Variants in KDM4A observed in about 807,000 individuals in gnomAD.
KDM4A encodes lysine-specific demethylase 4A.
In KDM4A, 23 loss-of-function variants were observed where a neutral mutation model predicts 127.1. That is an observed-to-expected ratio of 0.18 (90% CI 0.13 to 0.26). The LOEUF (loss-of-function observed/expected upper bound fraction) is 0.26. KDM4A is among the 10% of genes least tolerant of loss of function. KDM4A has a pLI of 1.00. For missense variants in KDM4A, 890 were observed against 1,329.1 expected (o/e 0.67, Z 5.14); for synonymous variants, 443 against 466.5 (o/e 0.95, Z 0.65).
Position 43,671,912 on chromosome 1 carries a change from G to A in KDM4A, c.1734+37G>A, listed in dbSNP as rs201742445. 105 of 1,510,130 alleles carry A rather than the reference G, an allele frequency of 7.0e-5. No individual in the cohort carries two copies. In the African/African-American group the frequency reaches 1.3e-3, roughly 19 times the overall value. The allele number at this position is 1,510,130 out of a possible 1,614,324, so 93.5% of individuals were successfully genotyped here. A position where few individuals can be genotyped will look rare whatever the true frequency, so the allele number is the denominator to read the frequency against. On this transcript the variant is annotated intron_variant, in intron 11 of 21. Transcript: ENST00000372396. ...AGGCAGTGGTGTGGGGTGGGGAGCT[G>A]CCCTGGAGGACACCCTGTCGGGAGG...
At chr1:43,671,365 G>A (rs1660613717) in intron 10 of KDM4A, 140 bp from the exon 11 acceptor site, 1 of 826,984 alleles carries the variant, frequency 1.2e-6, no homozygotes. Context: ...CTGGCTCACA[G>A]TGCCCCTCAG....
At chr1:43,668,060 G>C (rs1203540363) in intron 9 of KDM4A, 41 bp downstream of exon 9, 1 of 1,610,602 alleles carries the variant, frequency 6.2e-7, no homozygotes. Context: ...GTGAGGGAGG[G>C]ATGTCTGGGT....
At chr1:43,697,569 G>C (rs1020976469) in intron 18 of KDM4A, among the ~76,000 whole-genome samples, 4 of 152,160 alleles carry the variant, frequency 2.6e-5, no homozygotes, top group Admixed American at 2.0e-4. Flanking sequence ...TTCTGGGTAA[G>C]ATAATATGGT....
intron 3 of KDM4A, among the ~76,000 whole-genome samples, chr1:43,656,645 G>A (rs997592381): frequency 4.0e-5 from 6 of 151,434 alleles, no homozygotes; most frequent in African/African-American, 1.5e-4. Flanking sequence ...GCCCTTCTCC[G>A]CTGTTTTTAA....
intron 20 of KDM4A, 41 bp downstream of exon 20, chr1:43,703,777 G>C (rs752666562): frequency 1.2e-6 from 2 of 1,611,136 alleles, no homozygotes; most frequent in Non-Finnish European, 1.7e-6. Flanking sequence ...GGGGGTGCTT[G>C]ATTAATTCTG....
chr1:43,685,712 G>A (rs1005477536), intron 12 of KDM4A, among the ~76,000 whole-genome samples: 1 of 152,136 alleles, frequency 6.6e-6, no homozygotes, highest in African/African-American at 2.4e-5. Context: ...AATTTGCAGT[G>A]AGCTGAGACC....
At chr1:43,657,470 G>T (rs1319933497) in intron 3 of KDM4A, among the ~76,000 whole-genome samples, 1 of 152,110 alleles carries the variant, frequency 6.6e-6, no homozygotes, top group Non-Finnish European at 1.5e-5. Context: ...CAAAGGGCTG[G>T]GATTACAGGT....
chr1:43,653,293 C>A lies in KDM4A; in HGVS notation c.118C>A (p.His40Asn). 6.2e-7 allele frequency: 1 copy of A among 1,612,740 alleles called. No homozygotes were observed. The highest frequency in any genetic ancestry group is 8.5e-7 in the Non-Finnish European group (1 of 1,179,266). ...TGCCTACATTGAATCCCAAGGAGCT[C>A]ATCGGGCAGGGCTAGCCAAGGTAAG... Reference protein sequence around the residue: ...YIAYIESQGAHRAGLAKVVPP... With the variant: ...YIAYIESQGANRAGLAKVVPP... Residue 40 changes from histidine to asparagine, a missense_variant, in exon 2 of 22, where the codon CAT becomes AAT. Physicochemically the swap from His to Asn is moderately conservative, Grantham distance 68 (BLOSUM62 1). Coordinates refer to ENST00000372396, the MANE Select transcript of KDM4A (RefSeq NM_014663.3).
At chr1:43,700,887 G>A (rs59754251) in intron 19 of KDM4A, among the ~76,000 whole-genome samples, 3 of 151,854 alleles carry the variant, frequency 2.0e-5, no homozygotes, top group South Asian at 2.1e-4. Flanking sequence ...CTGGCCTATC[G>A]ACAGCCTCCA....
At position 43,683,621 on chromosome 1, in the gene KDM4A, G is replaced by A. The variant is rs918475697; in HGVS notation, c.1735-63G>A. ...CTCTTTCCTTTGGTTTTCATTGTAA[G>A]GGTGACTTGTGCTGTGTCTCAAGTG... On this transcript the variant is annotated intron_variant, in intron 11 of 21. Transcript: ENST00000372396. The A allele has an allele frequency of 1.1e-4, 166 of 1,554,812 alleles. 2 individuals carry two copies. In the Admixed American group the frequency reaches 3.1e-3, roughly 29 times the overall value.
chr1:43,659,944 T>C (rs1660333402), intron 3 of KDM4A, among the ~76,000 whole-genome samples: 1 of 152,168 alleles, frequency 6.6e-6, no homozygotes, highest in Non-Finnish European at 1.5e-5. Context: ...TCTGTGGATA[T>C]GTAGGGACCT....
intron 2 of KDM4A, among the ~76,000 whole-genome samples, chr1:43,654,365 T>C: frequency 1.3e-5 from 2 of 152,346 alleles, no homozygotes; most frequent in East Asian, 3.9e-4. Flanking sequence ...CATACAAACA[T>C]ACACACATAT....
intron 2 of KDM4A, among the ~76,000 whole-genome samples, chr1:43,655,032 G>T (rs925197732): frequency 8.5e-5 from 13 of 152,050 alleles, no homozygotes; most frequent in African/African-American, 3.1e-4. Context: ...TGTGTTTTTA[G>T]TAGAGATGGG....
At chr1:43,666,620 T>C in intron 7 of KDM4A, 65 bp downstream of exon 7, 1 of 1,302,558 alleles carries the variant, frequency 7.7e-7, no homozygotes, top group Non-Finnish European at 1.1e-6. Flanking sequence ...TTTACAGTTT[T>C]ATTCTAGTTC....
chr1:43,683,590 G>GC, intron 11 of KDM4A, 94 bp from the exon 12 acceptor site: 1 of 1,407,310 alleles, frequency 7.1e-7, no homozygotes, highest in Non-Finnish European at 9.7e-7. Flanking sequence ...GTTTCTCTGT[G>GC]CCCCTCTCTT....
chr1:43,704,516 C>A lies in KDM4A; in HGVS notation c.*146C>A. Reference sequence around the variant, plus strand: ...AATAACCGACCCATCATCTTCTCACCCACCCTCATTGCATTCCGCTGTAGT... The same window carrying A: ...AATAACCGACCCATCATCTTCTCACACACCCTCATTGCATTCCGCTGTAGT... On this transcript the variant is annotated 3_prime_UTR_variant, in exon 22 of 22. Coordinates refer to ENST00000372396, the MANE Select transcript of KDM4A (RefSeq NM_014663.3). 1 of 872,874 alleles carries A rather than the reference C, an allele frequency of 1.1e-6. No individual in the cohort carries two copies. Among genetic ancestry groups the A allele is most frequent in the Non-Finnish European group, 1.8e-6 (1 of 569,686 alleles). 54.1% of individuals were successfully genotyped at this position (872,874 alleles called of 1,614,324 possible).
chr1:43,692,209 A>T, intron 15 of KDM4A, 47 bp from the exon 16 acceptor site: 1 of 1,544,862 alleles, frequency 6.5e-7, no homozygotes, highest in Non-Finnish European at 9.0e-7. Context: ...ATTGAATGTT[A>T]ATGACTTGGT....
chr1:43,672,844 C>T (rs1057193762), intron 11 of KDM4A, among the ~76,000 whole-genome samples: 13 of 152,148 alleles, frequency 8.5e-5, no homozygotes, highest in East Asian at 3.8e-4. Flanking sequence ...ATTGCCTTAG[C>T]GGCACCAGGG....
chr1:43,665,509 C>A (rs193289789), intron 5 of KDM4A, among the ~76,000 whole-genome samples, 187 bp from the exon 6 acceptor site: 253 of 152,074 alleles, frequency 1.7e-3, no homozygotes, highest in Non-Finnish European at 2.9e-3. Flanking sequence ...AATTCACTCA[C>A]CTTCTTTATG....
Sources: allele counts gnomAD v4.1 joint callset (sites outside exome capture counted in the v4.1 genomes callset), GRCh38; gene constraint gnomAD v4.1.1; transcripts MANE v1.5; gene names NCBI Gene and HGNC (gene_info 2026-07-23, HGNC 2026-07-21).